SASH1: variants seen among roughly 807,000 people sequenced by gnomAD.
SASH1 encodes SAM and SH3 domain containing 1.
Under a neutral mutation model 125.2 loss-of-function variants are expected in SASH1, and 44 were observed. The ratio of observed to expected loss-of-function variants is 0.35; its 90% confidence interval spans 0.28 to 0.45. The LOEUF (loss-of-function observed/expected upper bound fraction) is 0.45. Among genes scored for constraint, SASH1 ranks in the 20% least tolerant of loss-of-function variants. SASH1 has a pLI of 1.00. For missense variants in SASH1, 1,426 were observed against 1,614.5 expected, an observed-to-expected ratio of 0.88 and a Z score of 2.00; for synonymous variants, 639 against 649.1, an observed-to-expected ratio of 0.98 and a Z score of 0.24.
intron 1 of SASH1, among the ~76,000 whole-genome samples, chr6:148,372,206 C>T (rs1441961927): frequency 6.6e-6 from 1 of 152,166 alleles, no homozygotes; most frequent in African/African-American, 2.4e-5. Flanking sequence ...TACACTAGAG[C>T]TAGTTCTTTA....
chr6:148,224,528 T>A, the SASH1 span, among the ~76,000 whole-genome samples: 9 of 152,158 alleles, frequency 5.9e-5, no homozygotes, highest in African/African-American at 2.2e-4. Context: ...CTTTGGCTAA[T>A]TTTTGTATTT....
chr6:148,387,391 C>T (rs1178116152), intron 1 of SASH1, among the ~76,000 whole-genome samples: 4 of 151,676 alleles, frequency 2.6e-5, no homozygotes, highest in East Asian at 1.9e-4. Context: ...GGATTACAGG[C>T]GTGAGCCACC....
rs1247338113 is a variant in SASH1 at position 148,326,351 on chromosome 6, TATATATGC to T, written n.74+53981_74+53988del. Among the ~76,000 whole-genome samples, 11 of 82,946 alleles carry T rather than the reference TATATATGC, an allele frequency of 1.3e-4. No homozygotes were observed. The East Asian group carries it at 1.7e-3, about 13-fold the overall frequency. The allele number at this position is 82,946 out of a possible 152,430, so 54.4% of individuals were successfully genotyped here. ...ATATATATATATATATATATATATA[TATATATGC>T]ATATATATATATATACATTCTTTTC... On this transcript the variant is annotated intron_variant and non_coding_transcript_variant, in intron 1 of 3. Coordinates refer to the SASH1 transcript ENST00000367469.
At chr6:148,456,781 C>T (rs540159871) in intron 4 of SASH1, among the ~76,000 whole-genome samples, 101 of 151,736 alleles carry the variant, frequency 6.7e-4, no homozygotes, top group Non-Finnish European at 1.4e-3. Context: ...GGAGGATCAC[C>T]TGAGCCTGGG....
intron 1 of SASH1, among the ~76,000 whole-genome samples, chr6:148,357,174 T>A (rs1324683916): frequency 6.6e-6 from 1 of 152,204 alleles, no homozygotes; most frequent in African/African-American, 2.4e-5. Context: ...GCTGTGCACA[T>A]ATGCTGATTG....
chr6:148,483,201 G>A (rs1257755029), intron 7 of SASH1, among the ~76,000 whole-genome samples: 4 of 152,146 alleles, frequency 2.6e-5, no homozygotes, highest in Admixed American at 6.5e-5. Context: ...CACTTATGGT[G>A]GAAGGCAGTG....
chr6:148,511,771 T>TCTAGTA (rs1780152427), intron 8 of SASH1, among the ~76,000 whole-genome samples: 1 of 152,206 alleles, frequency 6.6e-6, no homozygotes, highest in African/African-American at 2.4e-5. Flanking sequence ...GAAAGTTCAC[T>TCTAGTA]CTAGTACATA....
chr6:148,200,427 G>A, the SASH1 span, among the ~76,000 whole-genome samples: 1 of 152,200 alleles, frequency 6.6e-6, no homozygotes, highest in African/African-American at 2.4e-5. Flanking sequence ...AGAGCGAGCG[G>A]GAGGGGGCCG....
chr6:148,282,803 G>A (rs1779377642), intron 1 of SASH1, among the ~76,000 whole-genome samples: 1 of 152,088 alleles, frequency 6.6e-6, no homozygotes, highest in African/African-American at 2.4e-5. Context: ...AGAATACAGT[G>A]TTAGGTTCTT....
At chr6:148,387,394 G>C (rs1583063836) in intron 1 of SASH1, among the ~76,000 whole-genome samples, 2 of 151,518 alleles carry the variant, frequency 1.3e-5, no homozygotes, top group East Asian at 3.9e-4. Flanking sequence ...TTACAGGCGT[G>C]AGCCACCGCA....
At chr6:148,304,295 C>T (rs1156257008) in intron 1 of SASH1, among the ~76,000 whole-genome samples, 2 of 151,970 alleles carry the variant, frequency 1.3e-5, no homozygotes, top group East Asian at 1.9e-4. Flanking sequence ...AAAAAATTAG[C>T]GTGGTGGTGG....
intron 1 of SASH1, among the ~76,000 whole-genome samples, chr6:148,364,841 G>C (rs529348427): frequency 6.6e-6 from 1 of 152,126 alleles, no homozygotes; most frequent in East Asian, 1.9e-4. Flanking sequence ...TTTTCCCTCC[G>C]GCCGGGCACA....
At chr6:148,224,753 G>C in the SASH1 span, among the ~76,000 whole-genome samples, 18 of 152,306 alleles carry the variant, frequency 1.2e-4, no homozygotes, top group Non-Finnish European at 8.8e-5. Context: ...TGAGTAATGA[G>C]ATGGGAGATG....
At chr6:148,254,231 T>C in the SASH1 span, among the ~76,000 whole-genome samples, 1 of 150,042 alleles carries the variant, frequency 6.7e-6, no homozygotes, top group South Asian at 2.1e-4. Flanking sequence ...AGAAAGAAAA[T>C]AGAATATAAC....
chr6:148,371,522 C>T (rs1782704594), intron 1 of SASH1, among the ~76,000 whole-genome samples: 2 of 152,012 alleles, frequency 1.3e-5, no homozygotes. Context: ...CCTGCCTTGG[C>T]TTCCCAAAGT....
intron 1 of SASH1, among the ~76,000 whole-genome samples, chr6:148,368,770 G>GCGCGCACACACACACACACACA (rs1554245330): frequency 6.6e-5 from 9 of 135,730 alleles, no homozygotes; most frequent in African/African-American, 2.1e-4. Flanking sequence ...GCACGCGCGC[G>GCGCGCACACACACACACACACA]CACACACACA....
chr6:148,417,687 C>T (rs2114930732), intron 2 of SASH1, among the ~76,000 whole-genome samples: 1 of 152,150 alleles, frequency 6.6e-6, no homozygotes, highest in Admixed American at 6.5e-5. Context: ...GGCAAGATGA[C>T]TTAATCTCTC....
the SASH1 span, among the ~76,000 whole-genome samples, chr6:148,263,548 T>G: frequency 1.3e-5 from 2 of 152,252 alleles, no homozygotes; most frequent in South Asian, 4.1e-4. Context: ...GCAACCATTC[T>G]GATGGAGGTG....
chr6:148,200,522 A>G, the SASH1 span, among the ~76,000 whole-genome samples: 1 of 152,234 alleles, frequency 6.6e-6, no homozygotes, highest in Non-Finnish European at 1.5e-5. Context: ...CAATTCAGAA[A>G]ACACCTGCTG....
Sources: allele counts gnomAD v4.1 joint callset (sites outside exome capture counted in the v4.1 genomes callset), GRCh38; gene constraint gnomAD v4.1.1; transcripts MANE v1.5; gene names NCBI Gene and HGNC (gene_info 2026-07-23, HGNC 2026-07-21).